CRB1: variants seen among roughly 807,000 people sequenced by gnomAD.
The protein encoded by CRB1 is protein crumbs homolog 1.
In CRB1, 83 loss-of-function variants were observed where a neutral mutation model predicts 120.0. The observed-to-expected ratio is 0.69, with a 90% confidence interval of 0.58 to 0.83. The LOEUF (loss-of-function observed/expected upper bound fraction) is 0.83, where lower values mean the gene tolerates loss of function less well. CRB1 is among the 40% of genes least tolerant of loss of function. CRB1 has a pLI of 0.00. For missense variants in CRB1, 1,699 were observed against 1,687.6 expected (o/e 1.01, Z -0.12); for synonymous variants, 625 against 612.5 (o/e 1.02, Z -0.30).
chr1:197,435,707 T>C (rs374541937), intron 9 of CRB1, 95 bp downstream of exon 9: 13 of 1,112,246 alleles, frequency 1.2e-5, no homozygotes, highest in Middle Eastern at 2.0e-4. Context: ...AAGGTATACA[T>C]ATATACTGTG....
intron 1 of CRB1, among the ~76,000 whole-genome samples, chr1:197,284,257 A>G (rs1235362197): frequency 6.6e-6 from 1 of 152,082 alleles, no homozygotes; most frequent in East Asian, 1.9e-4. Context: ...ATGCACAATG[A>G]CAACACAGCA....
the CRB1 span, among the ~76,000 whole-genome samples, chr1:197,217,243 T>C: frequency 1.3e-5 from 2 of 152,140 alleles, no homozygotes; most frequent in Admixed American, 6.5e-5. Context: ...GGTGAGAATA[T>C]ACAATGATGC....
At position 197,435,351 on chromosome 1, in the gene CRB1, G is replaced by T. The variant is rs768713412; in HGVS notation, c.3488G>T (p.Cys1163Phe). 7 of 1,613,444 alleles carry T rather than the reference G, an allele frequency of 4.3e-6. No homozygotes were observed. Among genetic ancestry groups the T allele is most frequent in the Middle Eastern group, 1.7e-4 (1 of 6,054 alleles). The change falls in exon 9 of 12, where the codon TGC becomes TTC. Residue 1163 changes from cysteine (C) to phenylalanine (F), a missense_variant. Physicochemically the swap from Cys to Phe is radical, Grantham distance 205. Transcript: ENST00000367400. Reference protein sequence around the residue: ...NCEDIYSSYHCSCPLGWSGKH... With the variant: ...NCEDIYSSYHFSCPLGWSGKH... ...GAAGACATCTATAGCTCTTATCATT[G>T]CTCCTGTCCCTTGGGATGGTCAGGG...
chr1:197,453,181 G>A (rs113129299), intron 11 of CRB1, among the ~76,000 whole-genome samples: 4,162 of 151,188 alleles, frequency 0.028, 198 homozygotes, highest in African/African-American at 0.094. Context: ...CAAACTCCTA[G>A]AAGCAGAGGG....
chr1:197,387,599 T>C (rs1038230475), intron 5 of CRB1, among the ~76,000 whole-genome samples: 2 of 152,064 alleles, frequency 1.3e-5, no homozygotes, highest in African/African-American at 4.8e-5. Flanking sequence ...TATAAATAAT[T>C]TAATAATGTT....
chr1:197,277,452 C>A (rs1655275705), intron 1 of CRB1, among the ~76,000 whole-genome samples: 1 of 151,952 alleles, frequency 6.6e-6, no homozygotes. Context: ...TGCACAGAGA[C>A]CAGCTCTGTA....
chr1:197,453,510 A>ATG, intron 11 of CRB1, among the ~76,000 whole-genome samples: 2 of 133,582 alleles, frequency 1.5e-5, no homozygotes, highest in African/African-American at 5.3e-5. Flanking sequence ...ATGTGTATAT[A>ATG]TATGTGTGTG....
At chr1:197,383,222 A>G (rs1373377805) in intron 5 of CRB1, among the ~76,000 whole-genome samples, 4 of 152,296 alleles carry the variant, frequency 2.6e-5, no homozygotes, top group African/African-American at 2.4e-5. Context: ...CAAGATGTCT[A>G]TAATAGAGTT....
chr1:197,421,395 C>T lies in CRB1; in HGVS notation c.1567C>T (p.Leu523=), dbSNP rs774785487. Residue 523 remains leucine (L), a synonymous_variant, in exon 6 of 12, where the codon CTA becomes TTA. Coordinates refer to ENST00000367400, the MANE Select transcript of CRB1 (RefSeq NM_201253.3). ...RFQTVQPMAL[L]LFRSNRDVFV... ...TCAGACTGTTCAGCCAATGGCTCTT[C>T]TACTTTTCCGAAGCAACAGGGATGT... The T allele has an allele frequency of 1.2e-6, 2 of 1,614,226 alleles. No individual in the cohort carries two copies. Among genetic ancestry groups the T allele is most frequent in the Non-Finnish European group, 1.7e-6 (2 of 1,180,044 alleles).
chr1:197,242,388 G>T, the CRB1 span, among the ~76,000 whole-genome samples: 28 of 152,074 alleles, frequency 1.8e-4, no homozygotes, highest in African/African-American at 5.8e-4. Context: ...TAGCATGAAG[G>T]GGTGTTTAAT....
chr1:197,273,934 T>C (rs1655045282), intron 1 of CRB1, among the ~76,000 whole-genome samples: 1 of 152,030 alleles, frequency 6.6e-6, no homozygotes, highest in South Asian at 2.1e-4. Context: ...GGATGTGAGG[T>C]GTGCTTGTTG....
chr1:197,209,250 G>C, the CRB1 span, among the ~76,000 whole-genome samples: 1 of 152,176 alleles, frequency 6.6e-6, no homozygotes, highest in South Asian at 2.1e-4. Context: ...CCTCTCCCAG[G>C]TTCTGTCCAG....
the CRB1 span, among the ~76,000 whole-genome samples, chr1:197,262,689 T>C: frequency 1.1e-4 from 17 of 152,124 alleles, no homozygotes; most frequent in Admixed American, 9.8e-4. Flanking sequence ...CCCCTTCTTC[T>C]TAACAATAGT....
At chr1:197,303,987 C>T (rs2125258837) in intron 1 of CRB1, among the ~76,000 whole-genome samples, 2 of 151,892 alleles carry the variant, frequency 1.3e-5, no homozygotes, top group Non-Finnish European at 2.9e-5. Flanking sequence ...GACGCCATCT[C>T]TTAAAAAAAT....
chr1:197,395,427 G>GC (rs1662723396), intron 5 of CRB1, among the ~76,000 whole-genome samples: 1 of 152,110 alleles, frequency 6.6e-6, no homozygotes, highest in Admixed American at 6.6e-5. Context: ...TTGGCAGCCT[G>GC]CTTAGAAGAT....
intron 11 of CRB1, among the ~76,000 whole-genome samples, chr1:197,472,014 T>C (rs1667002782): frequency 6.6e-6 from 1 of 152,232 alleles, no homozygotes; most frequent in Non-Finnish European, 1.5e-5. Flanking sequence ...ATATTCCAAC[T>C]GGCATGTTAA....
rs150649777 is a variant in CRB1, at chr1:197,436,042, C to T, written c.3749+430C>T. 9.6e-3 allele frequency among the ~76,000 whole-genome samples: 1,457 copies of T among 152,146 alleles called. 24 individuals are homozygous for T. Among genetic ancestry groups the T allele is most frequent in the African/African-American group, 0.033 (1,369 of 41,508 alleles). On this transcript the variant is annotated intron_variant, in intron 9 of 11. Coordinates refer to ENST00000367400, the MANE Select transcript of CRB1 (RefSeq NM_201253.3). The stretch of plus-strand genomic sequence containing the variant: ...ATACTCTAAAATCCCGAAAACAGTA[C>T]ATTAAAGTATACAGCTGACTCTTGA...
Position 197,478,315 on chromosome 1 carries a change from A to G in CRB1, c.*436A>G. The G allele has an allele frequency of 4.0e-6, 1 of 250,152 alleles. No individual in the cohort carries two copies. The highest frequency in any genetic ancestry group is 7.8e-6 in the Non-Finnish European group (1 of 127,416). 15.5% of individuals were successfully genotyped at this position (250,152 alleles called of 1,614,324 possible). A position where few individuals can be genotyped will look rare whatever the true frequency, so the allele number is the denominator to read the frequency against. Reference sequence around the variant, plus strand: ...ATTGGCTACATTTCTCACTTCTCCTATCATGTGGTCAAAGTTATTGTTGTA... The same window carrying G: ...ATTGGCTACATTTCTCACTTCTCCTGTCATGTGGTCAAAGTTATTGTTGTA... On this transcript the variant is annotated 3_prime_UTR_variant, in exon 12 of 12. Transcript: ENST00000367400.
At chr1:197,428,101 T>A in intron 7 of CRB1, 100 bp downstream of exon 7, 1 of 1,029,580 alleles carries the variant, frequency 9.7e-7, no homozygotes, top group East Asian at 2.6e-5. Flanking sequence ...ATAAAGATGA[T>A]GTTACTGACC....
Sources: allele counts gnomAD v4.1 joint callset (sites outside exome capture counted in the v4.1 genomes callset), GRCh38; gene constraint gnomAD v4.1.1; transcripts MANE v1.5; gene names NCBI Gene and HGNC (gene_info 2026-07-23, HGNC 2026-07-21).